The following KRT76 variants were observed in gnomAD, a reference collection of about 807,000 sequenced individuals.
KRT76 encodes the protein keratin 76.
In KRT76, 47 loss-of-function variants were observed where a neutral mutation model predicts 44.9. The ratio of observed to expected loss-of-function variants is 1.05; its 90% CI spans 0.83 to 1.33. The LOEUF (loss-of-function observed/expected upper bound fraction) is 1.33. Among genes scored for constraint, KRT76 ranks in the 40% most tolerant of loss-of-function variants. The probability of loss-of-function intolerance (pLI) is 0.00; values close to 1 mark genes in which losing one functional copy is unlikely to be tolerated. For missense variants in KRT76, 860 were observed against 775.8 expected, an observed-to-expected ratio of 1.11 and a Z score of -1.29; for synonymous variants, 331 against 294.1, an observed-to-expected ratio of 1.13 and a Z score of -1.28.
chr12:52,773,575 C>T lies in KRT76; in HGVS notation c.876+7G>A. 1 of 1,609,498 alleles carries T rather than the reference C, an allele frequency of 6.2e-7. No homozygotes were observed. Among genetic ancestry groups the T allele is most frequent in the East Asian group, 2.2e-5 (1 of 44,866 alleles). On this transcript the variant is annotated splice_region_variant and intron_variant, in intron 3 of 8. Transcript: ENST00000332411. ...AAACCTGGATATGCTGGTCCAGGCT[C>T]ACCTACCTTCTTGAGCCCCACAAAC...
At chr12:52,770,099 C>T (rs1027624314) in intron 7 of KRT76, among the ~76,000 whole-genome samples, 1 of 152,176 alleles carries the variant, frequency 6.6e-6, no homozygotes, top group Non-Finnish European at 1.5e-5. Flanking sequence ...TGTCCATCTT[C>T]CTGTGTCTTA....
At chr12:52,773,757 C>A (rs934417801) in intron 2 of KRT76, 115 bp from the exon 3 acceptor site, 6 of 712,636 alleles carry the variant, frequency 8.4e-6, no homozygotes, top group Non-Finnish European at 1.4e-5. Context: ...TTCATGGGCA[C>A]GTGCAGTTAC....
intron 7 of KRT76, 72 bp from the exon 8 acceptor site, chr12:52,769,655 T>C (rs1939149144): frequency 3.6e-6 from 5 of 1,377,628 alleles, no homozygotes; most frequent in Non-Finnish European, 3.1e-6. Context: ...GTTCACAACT[T>C]TGGGAGCCAC....
Position 52,772,230 on chromosome 12 carries a change from C to T in KRT76, c.1001G>A (p.Ser334Asn), listed in dbSNP as rs748842366. 1.2e-6 allele frequency: 2 copies of T among 1,607,380 alleles called. No individual in the cohort carries two copies. The highest frequency in any genetic ancestry group is 2.2e-5 in the East Asian group (1 of 44,842). Residue 334 changes from serine (S) to asparagine (N), a missense_variant, in exon 5 of 9, where the codon AGT becomes AAT. Physicochemically the swap from Ser to Asn is conservative, Grantham distance 46. Transcript: ENST00000332411. ...CATGGACAGAACCACAGACGTGTCACTGGCATGGCTTTGCATCTGGGACAG... is the reference window on the plus strand; with the variant it reads ...CATGGACAGAACCACAGACGTGTCATTGGCATGGCTTTGCATCTGGGACAG... The part of the protein sequence containing the change: ...MELSQMQSHA[S>N]DTSVVLSMDN...
chr12:52,769,505 C>G, intron 8 of KRT76, 44 bp downstream of exon 8: 1 of 1,571,330 alleles, frequency 6.4e-7, no homozygotes, highest in Non-Finnish European at 8.8e-7. Flanking sequence ...TTCTAGCTGC[C>G]CTTTTACAAC....
At chr12:52,773,556 G>A in intron 3 of KRT76, 26 bp downstream of exon 3, 1 of 1,594,108 alleles carries the variant, frequency 6.3e-7, no homozygotes, top group Non-Finnish European at 8.6e-7. Flanking sequence ...AAGGAAACCT[G>A]GATATGCTGG....
Position 52,773,530 on chromosome 12 carries a change from G to A in KRT76, c.876+52C>T, listed in dbSNP as rs578017991. On this transcript the variant is annotated intron_variant, in intron 3 of 8. Coordinates refer to ENST00000332411, the MANE Select transcript of KRT76 (RefSeq NM_015848.4). ...ACAGCTGGCTGTGCACTCTCTCCAT[G>A]GGGGCAGCTCCCAGAAAGGAAACCT... 1.4e-4 allele frequency: 200 copies of A among 1,410,274 alleles called. 3 individuals carry two copies. The South Asian group carries it at 1.5e-3, about 10-fold the overall frequency. 87.4% of individuals were successfully genotyped at this position (1,410,274 alleles called of 1,614,324 possible).
In KRT76 at chr12:52,772,005, G is replaced by A. The variant is rs1301420386; in HGVS notation, c.1138-9C>T. The stretch of plus-strand genomic sequence containing the variant: ...GTCTGCAGCTCCCCAAGCTGACAGA[G>A]GAAAAACCAATCAACGTGGCTTTTG... On this transcript the variant is annotated splice_polypyrimidine_tract_variant and intron_variant, in intron 5 of 8. Transcript: ENST00000332411. The A allele has an allele frequency of 6.2e-6, 10 of 1,612,480 alleles. No homozygotes were observed. Among genetic ancestry groups the A allele is most frequent in the Non-Finnish European group, 8.5e-6 (10 of 1,179,296 alleles).
In KRT76 at chr12:52,772,194, C is replaced by G; in HGVS notation, c.1037G>C (p.Arg346Pro). Residue 346 changes from arginine to proline, a missense_variant, in exon 5 of 9, where the codon CGC (arginine) becomes CCC (proline). Transcript: ENST00000332411. ...TSVVLSMDNNRCLDLGSIIAE... is the reference protein window; with the variant it reads ...TSVVLSMDNNPCLDLGSIIAE... ...AATGATGCTGCCCAGGTCCAGGCAG[C>G]GGTTGTTGTCCATGGACAGAACCAC... The G allele has an allele frequency of 6.2e-7, 1 of 1,613,308 alleles. No individual in the cohort carries two copies. Among genetic ancestry groups the G allele is most frequent in the Non-Finnish European group, 8.5e-7 (1 of 1,179,546 alleles).
At chr12:52,775,144 A>T (rs1939240817) in intron 2 of KRT76, among the ~76,000 whole-genome samples, 1 of 151,588 alleles carries the variant, frequency 6.6e-6, no homozygotes, top group Admixed American at 6.6e-5. Flanking sequence ...CTCTGGGAGG[A>T]CTCTTTTGTC....
chr12:52,776,022 T>A (rs766709179), intron 1 of KRT76, among the ~76,000 whole-genome samples: 2 of 152,140 alleles, frequency 1.3e-5, no homozygotes, highest in Non-Finnish European at 2.9e-5. Flanking sequence ...TTTGTCATTG[T>A]TTTTTAGATG....
intron 6 of KRT76, among the ~76,000 whole-genome samples, 191 bp downstream of exon 6, chr12:52,771,680 G>A (rs1200058534): frequency 6.6e-6 from 1 of 152,214 alleles, no homozygotes; most frequent in African/African-American, 2.4e-5. Flanking sequence ...CATCTTTCTT[G>A]AGTGAGCTTT....
At chr12:52,776,644 C>A in intron 1 of KRT76, 48 bp downstream of exon 1, 2 of 1,612,812 alleles carry the variant, frequency 1.2e-6, no homozygotes, top group South Asian at 2.2e-5. Context: ...CTACACCGAC[C>A]CCTGGGCACC....
At chr12:52,773,198 A>T (rs1157187107) in intron 3 of KRT76, among the ~76,000 whole-genome samples, 1 of 152,156 alleles carries the variant, frequency 6.6e-6, no homozygotes, top group African/African-American at 2.4e-5. Flanking sequence ...ACCCTCCTGA[A>T]CAGAAATTAG....
Position 52,775,551 on chromosome 12 carries a change from GC to G in KRT76, c.651del (p.Leu218SerfsTer28), listed in dbSNP as rs762320246. ...CCTGAGCCTGTGGTCTGCTGCTGGA[GC>G]AGTTCCCACTTGGTCTCCAGGACCT... The part of the protein sequence containing the change: ...QNKVLETKWE[L>X]LQQQTTGSGP... On this transcript the variant is annotated frameshift_variant, in exon 2 of 9. Transcript: ENST00000332411. LOFTEE classifies it high-confidence loss of function. 3.8e-5 allele frequency: 61 copies of G among 1,613,902 alleles called. No individual in the cohort carries two copies. The highest frequency in any genetic ancestry group is 2.5e-6 in the Non-Finnish European group (3 of 1,180,048).
chr12:52,768,728 A>G lies in KRT76; in HGVS notation c.1902T>C (p.His634=), dbSNP rs752968004. 3.8e-6 allele frequency: 6 copies of G among 1,598,802 alleles called. No homozygotes were observed. In the East Asian group the frequency reaches 1.4e-4, roughly 36 times the overall value. ...GAACAGTAGATCACTTGGTGGAGCT[A>G]TGCTGGCTTGAGCTCGTGGTCTGGG... ...RFSQTTSSSQ[H]SSTK The change falls in exon 9 of 9, where the codon CAT becomes CAC. Residue 634 remains histidine (H), a synonymous_variant. Transcript: ENST00000332411.
chr12:52,773,681 T>C (rs1438095856), intron 2 of KRT76, 39 bp from the exon 3 acceptor site: 1 of 1,574,842 alleles, frequency 6.3e-7, no homozygotes, highest in Admixed American at 1.7e-5. Context: ...CACTGGCATT[T>C]CAGAAGTAAA....
Position 52,771,091 on chromosome 12 carries a change from G to A in KRT76, c.1392C>T (p.Leu464=). 1.2e-6 allele frequency: 2 copies of A among 1,614,134 alleles called. No homozygotes were observed. Among genetic ancestry groups the A allele is most frequent in the Non-Finnish European group, 8.5e-7 (1 of 1,180,016 alleles). The change falls in exon 7 of 9, where the codon CTC becomes CTT. Residue 464 remains leucine, a synonymous_variant. Transcript: ENST00000332411. ...TCATCAGCTCCTGGTAGTCACGCAG[G>A]AGCCGAGCCAGGTCATCCTTAGCCT... is the stretch of plus-strand genomic sequence containing the variant. The part of the protein sequence containing the change: ...LQKAKDDLAR[L]LRDYQELMNV...
In KRT76 at chr12:52,768,926, C is replaced by T. The variant is rs1180019299; in HGVS notation, c.1704G>A (p.Gly568=). The change falls in exon 9 of 9, where the codon GGG becomes GGA. Residue 568 remains glycine (G), a synonymous_variant. Coordinates refer to ENST00000332411, the MANE Select transcript of KRT76 (RefSeq NM_015848.4). The part of the protein sequence containing the change: ...GYGGVSSGST[G]GRGSSGSYQS... Reference sequence around the variant, plus strand: ...GGTAGCTCCCGCTGCTACCCCTGCCCCCAGTGCTGCCACTGCTGACCCCTC... The same window carrying T: ...GGTAGCTCCCGCTGCTACCCCTGCCTCCAGTGCTGCCACTGCTGACCCCTC... 2.0e-5 allele frequency: 31 copies of T among 1,566,190 alleles called. No individual in the cohort carries two copies. The highest frequency in any genetic ancestry group is 2.4e-5 in the Non-Finnish European group (27 of 1,141,124).
Sources: gnomAD v4.1 joint callset for allele counts (sites outside exome capture counted in the v4.1 genomes callset) on GRCh38, gnomAD v4.1.1 for gene constraint, MANE v1.5 for transcripts, NCBI Gene and HGNC (gene_info 2026-07-23, HGNC 2026-07-21) for gene names.